NEMF: variants seen among roughly 807,000 people sequenced by gnomAD.
The protein encoded by NEMF is nuclear export mediator factor.
Under a neutral mutation model 162.2 loss-of-function variants are expected in NEMF, and 89 were observed. That is an observed-to-expected ratio of 0.55 (90% CI 0.46 to 0.65). NEMF has a LOEUF of 0.65. Among genes scored for constraint, NEMF ranks in the 30% least tolerant of loss-of-function variants. The pLI, the probability that NEMF is intolerant of heterozygous loss-of-function variation, is 0.00. For missense variants in NEMF, 1,133 were observed against 1,261.9 expected (o/e 0.90, Z 1.55); for synonymous variants, 421 against 404.5 (o/e 1.04, Z -0.49).
chr14:49,799,230 A>AAG (rs1890839673), intron 25 of NEMF, among the ~76,000 whole-genome samples: 1 of 150,418 alleles, frequency 6.6e-6, no homozygotes. Context: ...AAAAAAAAAA[A>AAG]AAAGGAAAAT....
chr14:49,831,424 C>A, intron 10 of NEMF, 63 bp from the exon 11 acceptor site: 1 of 952,846 alleles, frequency 1.0e-6, no homozygotes, highest in Non-Finnish European at 1.6e-6. Context: ...AACTTGCATA[C>A]ACAGAATTTT....
intron 4 of NEMF, among the ~76,000 whole-genome samples, chr14:49,842,543 A>G (rs1221971776): frequency 6.6e-6 from 1 of 152,260 alleles, no homozygotes; most frequent in Non-Finnish European, 1.5e-5. Context: ...AGCATCCATG[A>G]AAACAGTCAA....
intron 18 of NEMF, among the ~76,000 whole-genome samples, chr14:49,810,581 A>G (rs1486195178): frequency 3.3e-5 from 5 of 152,186 alleles, no homozygotes; most frequent in African/African-American, 1.2e-4. Context: ...ATCAGGAAAC[A>G]TGAGTCCTTC....
chr14:49,808,318 A>G (rs3126188), intron 18 of NEMF, among the ~76,000 whole-genome samples: 148,020 of 152,106 alleles, frequency 0.97, 72,166 homozygotes, highest in Middle Eastern at 1. Context: ...GATTACAGGC[A>G]CCCGCCATCA....
chr14:49,820,876 TC>T (rs1555349032), intron 16 of NEMF, among the ~76,000 whole-genome samples: 1 of 152,064 alleles, frequency 6.6e-6, no homozygotes, highest in Non-Finnish European at 1.5e-5. Flanking sequence ...AGCCTCGGCA[TC>T]CCAAGGTGCC....
chr14:49,800,268 C>A, intron 23 of NEMF, 152 bp downstream of exon 23: 1 of 696,398 alleles, frequency 1.4e-6, no homozygotes, highest in Non-Finnish European at 2.3e-6. Flanking sequence ...CTGGGAATTT[C>A]TTTGCAGAGA....
intron 6 of NEMF, 32 bp from the exon 7 acceptor site, chr14:49,834,481 T>C (rs1566698304): frequency 7.1e-7 from 1 of 1,403,586 alleles, no homozygotes; most frequent in Non-Finnish European, 1.0e-6. Flanking sequence ...CTTTTAGTAT[T>C]TTCCTATAAA....
chr14:49,788,664 T>A (rs1345752992), intron 28 of NEMF, among the ~76,000 whole-genome samples: 7 of 151,540 alleles, frequency 4.6e-5, no homozygotes, highest in African/African-American at 1.7e-4. Context: ...TTCACGCTAT[T>A]CTGCCTCAGC....
chr14:49,782,313 T>C lies in NEMF; in HGVS notation c.*2323A>G. 8.7e-7 allele frequency: 1 copy of C among 1,145,406 alleles called. No individual in the cohort carries two copies. Among genetic ancestry groups the C allele is most frequent in the Non-Finnish European group, 1.3e-6 (1 of 771,056 alleles). The allele number at this position is 1,145,406 out of a possible 1,614,324, so 71.0% of individuals were successfully genotyped here. Reference sequence around the variant, plus strand: ...TATTTCATAGCTCTATTCTGTAGTATAAAATGGCCAACTGGTGTTCTGGGT... The same window carrying C: ...TATTTCATAGCTCTATTCTGTAGTACAAAATGGCCAACTGGTGTTCTGGGT... On this transcript the variant is annotated 3_prime_UTR_variant, in exon 33 of 33. Coordinates refer to ENST00000298310, the MANE Select transcript of NEMF (RefSeq NM_004713.6).
rs1889959364 is a variant in NEMF, at chr14:49,782,628, T to C, written c.*2008A>G. The C allele has an allele frequency of 6.5e-7, 1 of 1,543,482 alleles. No homozygotes were observed. Among genetic ancestry groups the C allele is most frequent in the Non-Finnish European group, 8.8e-7 (1 of 1,131,266 alleles). ...CTTTGTACTTGGCACTTAGATTATT[T>C]AAAATTGTGTTTCCTAAGACTTAGC... On this transcript the variant is annotated 3_prime_UTR_variant, in exon 33 of 33. Coordinates refer to ENST00000298310, the MANE Select transcript of NEMF (RefSeq NM_004713.6).
intron 29 of NEMF, 103 bp downstream of exon 29, chr14:49,786,615 T>C (rs1317079410): frequency 2.5e-5 from 28 of 1,135,686 alleles, no homozygotes; most frequent in Non-Finnish European, 3.5e-5. Context: ...TAGCCTGCAG[T>C]CTTGTCTTAG....
chr14:49,789,352 C>G lies in NEMF; in HGVS notation c.2698-9G>C. 6.2e-7 allele frequency: 1 copy of G among 1,613,784 alleles called. No homozygotes were observed. Among genetic ancestry groups the G allele is most frequent in the Admixed American group, 1.7e-5 (1 of 59,976 alleles). ...TTGTTTGAACCTGCAGACTTTAATT[C>G]ATAGAGGAAACATCAGTCAGTGTTG... On this transcript the variant is annotated splice_polypyrimidine_tract_variant and intron_variant, in intron 27 of 32. Transcript: ENST00000298310.
chr14:49,823,967 A>G (rs1892212322), intron 16 of NEMF, among the ~76,000 whole-genome samples: 1 of 151,004 alleles, frequency 6.6e-6, no homozygotes, highest in African/African-American at 2.4e-5. Context: ...CCAAGAGTTA[A>G]GAGACCAGCA....
Position 49,846,004 on chromosome 14 carries a change from G to T in NEMF, c.357+136C>A, listed in dbSNP as rs1893481862. On this transcript the variant is annotated intron_variant, in intron 4 of 32. Coordinates refer to ENST00000298310, the MANE Select transcript of NEMF (RefSeq NM_004713.6). The stretch of plus-strand genomic sequence containing the variant: ...ATTACTGGAAAATTTTATTTTATTT[G>T]TGTGGCACCCATTTCCTAGGGTAGT... The T allele has an allele frequency of 6.2e-6, 4 of 650,084 alleles. No homozygotes were observed. The South Asian group carries it at 7.2e-5, about 12-fold the overall frequency. 40.3% of individuals were successfully genotyped at this position (650,084 alleles called of 1,614,324 possible).
At chr14:49,806,910 TTAAAG>T (rs1891243503) in intron 18 of NEMF, among the ~76,000 whole-genome samples, 1 of 152,228 alleles carries the variant, frequency 6.6e-6, no homozygotes, top group African/African-American at 2.4e-5. Context: ...ATTCACCCCT[TTAAAG>T]TATACAATTC....
At chr14:49,851,466 C>G (rs1893771596) in intron 3 of NEMF, 97 bp downstream of exon 3, 11 of 784,036 alleles carry the variant, frequency 1.4e-5, no homozygotes, top group Non-Finnish European at 2.4e-5. Flanking sequence ...TTCATTTTAT[C>G]TGCACTTTAT....
chr14:49,800,723 G>T (rs528033564), intron 22 of NEMF, 27 bp from the exon 23 acceptor site: 15 of 1,594,024 alleles, frequency 9.4e-6, no homozygotes, highest in Non-Finnish European at 1.3e-5. Context: ...AGGAAAGTCA[G>T]TGTGGGACTA....
chr14:49,789,253 T>C lies in NEMF; in HGVS notation c.2788A>G (p.Arg930Gly). The C allele has an allele frequency of 1.2e-6, 2 of 1,614,136 alleles. No individual in the cohort carries two copies. The highest frequency in any genetic ancestry group is 1.1e-5 in the South Asian group (1 of 91,078). The change falls in exon 28 of 33, where the codon AGA (arginine) becomes GGA (glycine). Residue 930 changes from arginine to glycine, a missense_variant. Transcript: ENST00000298310. ...TTGTCAGAGACCCTCTGTCCACCTC[T>C]AGGTTTCTGGGGCTGTTTCTTCACA... ...EPVKKQPQKPRGGQRVSDNIK... is the reference protein window; with the variant it reads ...EPVKKQPQKPGGGQRVSDNIK...
At chr14:49,825,743 C>CA (rs927077857) in intron 16 of NEMF, 124 bp downstream of exon 16, 3 of 639,722 alleles carry the variant, frequency 4.7e-6, no homozygotes, top group African/African-American at 3.7e-5. Flanking sequence ...AACAAACCAA[C>CA]AAAAAATTGC....
Sources: gnomAD v4.1 joint callset for allele counts (sites outside exome capture counted in the v4.1 genomes callset) on GRCh38, gnomAD v4.1.1 for gene constraint, MANE v1.5 for transcripts, NCBI Gene and HGNC (gene_info 2026-07-23, HGNC 2026-07-21) for gene names.